Variants in SEPSECS observed in about 807,000 individuals in gnomAD.
The protein encoded by SEPSECS is Sep (O-phosphoserine) tRNA:Sec (selenocysteine) tRNA synthase, also known as O-phosphoseryl-tRNA(Sec) selenium transferase.
Under a neutral mutation model 52.1 loss-of-function variants are expected in SEPSECS, and 42 were observed. The observed-to-expected ratio is 0.81, with a 90% CI of 0.63 to 1.04. The LOEUF (loss-of-function observed/expected upper bound fraction) is 1.04. Among genes scored for constraint, SEPSECS ranks in the 50% least tolerant of loss-of-function variants. The pLI is 0.00. For synonymous variants in SEPSECS, 216 were observed against 211.4 expected (o/e 1.02, Z -0.19); for missense variants, 590 against 610.6 (o/e 0.97, Z 0.36).
intron 2 of SEPSECS, among the ~76,000 whole-genome samples, chr4:25,157,735 C>A (rs913168965): frequency 2.6e-5 from 4 of 151,896 alleles, no homozygotes. Flanking sequence ...TTAGTAGAGA[C>A]GGGGTTTCAC....
intron 8 of SEPSECS, among the ~76,000 whole-genome samples, chr4:25,139,488 G>A (rs1008793449): frequency 1.1e-4 from 15 of 142,146 alleles, no homozygotes; most frequent in African/African-American, 3.9e-4. Flanking sequence ...CTGGGTTCAA[G>A]TGATTCTCTG....
intron 3 of SEPSECS, 151 bp downstream of exon 3, chr4:25,156,705 C>T (rs1712669969): frequency 2.7e-6 from 1 of 373,366 alleles, no homozygotes; most frequent in Non-Finnish European, 4.6e-6. Flanking sequence ...TAGACTCCGT[C>T]TCAAAAAAAA....
chr4:25,147,102 G>C (rs1560331484), intron 6 of SEPSECS, among the ~76,000 whole-genome samples: 1 of 152,136 alleles, frequency 6.6e-6, no homozygotes, highest in Non-Finnish European at 1.5e-5. Flanking sequence ...TCCTGCCTCA[G>C]AGTCTTGGCT....
upstream of SEPSECS, chr4:25,160,563 A>G (rs1713024552): frequency 3.9e-6 from 2 of 515,456 alleles, no homozygotes; most frequent in South Asian, 5.8e-5. Context: ...ATGGCGCTCC[A>G]GGAGGAAGTT....
intron 10 of SEPSECS, among the ~76,000 whole-genome samples, chr4:25,124,448 A>G (rs1416360069): frequency 1.3e-5 from 2 of 152,124 alleles, no homozygotes; most frequent in African/African-American, 4.8e-5. Flanking sequence ...ATTATCGTTT[A>G]CTTAACTTCT....
rs547236416 is a variant in SEPSECS at position 25,143,649 on chromosome 4, T to TA, written c.1026+1124dup. Among the ~76,000 whole-genome samples the TA allele has an allele frequency of 9.4e-3, 1,430 of 152,290 alleles. 17 individuals carry two copies. Among genetic ancestry groups the TA allele is most frequent in the South Asian group, 0.02 (97 of 4,822 alleles). On this transcript the variant is annotated intron_variant, in intron 8 of 10. Transcript: ENST00000382103. The stretch of plus-strand genomic sequence containing the variant: ...AGAAATGTCCTCACAATTAAACAAT[T>TA]ACTATCCCATGGAATGAATTAGTAG...
At chr4:25,130,215 T>C (rs1355522453) in intron 8 of SEPSECS, among the ~76,000 whole-genome samples, 1 of 152,250 alleles carries the variant, frequency 6.6e-6, no homozygotes, top group Non-Finnish European at 1.5e-5. Flanking sequence ...GGCAGCCACA[T>C]TAAATGCCAA....
At chr4:25,126,718 C>T (rs1033921365) in intron 9 of SEPSECS, among the ~76,000 whole-genome samples, 3 of 151,960 alleles carry the variant, frequency 2.0e-5, no homozygotes, top group African/African-American at 4.8e-5. Flanking sequence ...CTCTAACATC[C>T]GTAGGCTAAA....
At position 25,151,981 on chromosome 4, in the gene SEPSECS, C is replaced by T. The variant is rs1410954248; in HGVS notation, c.783G>A (p.Lys261=). Residue 261 remains lysine (K), a synonymous_variant, in exon 6 of 11, where the codon AAG becomes AAA. Coordinates refer to ENST00000382103, the MANE Select transcript of SEPSECS (RefSeq NM_016955.4). ...TTACCTGCTGAATGAGATGCATACA[C>T]TTTGAAGACTGCACTCCATAAGCAT... The part of the protein sequence containing the change: ...VNNAYGVQSS[K]CMHLIQQGAR... The T allele has an allele frequency of 6.3e-6, 10 of 1,586,166 alleles. No individual in the cohort carries two copies. Among genetic ancestry groups the T allele is most frequent in the Non-Finnish European group, 8.7e-6 (10 of 1,154,960 alleles).
chr4:25,127,582 C>T (rs111485770), intron 8 of SEPSECS, among the ~76,000 whole-genome samples: 9 of 152,332 alleles, frequency 5.9e-5, no homozygotes, highest in Non-Finnish European at 1.0e-4. Flanking sequence ...TTTCTCCCTT[C>T]ACTATTACAT....
At position 25,155,174 on chromosome 4, in the gene SEPSECS, A is replaced by C. The variant is rs529777050; in HGVS notation, c.548-23T>G. 6.5e-5 allele frequency: 105 copies of C among 1,613,648 alleles called. 1 individual carries two copies. In the Admixed American group the frequency reaches 1.1e-3, roughly 17 times the overall value. On this transcript the variant is annotated intron_variant, in intron 4 of 10. Coordinates refer to ENST00000382103, the MANE Select transcript of SEPSECS (RefSeq NM_016955.4). Reference sequence around the variant, plus strand: ...AACCTAACCAAACCAACCAGAAAACAAAATGTTAGTGTGAACTAAAATAAG... The same window carrying C: ...AACCTAACCAAACCAACCAGAAAACCAAATGTTAGTGTGAACTAAAATAAG...
At chr4:25,144,667 C>T (rs1711845437) in intron 8 of SEPSECS, 107 bp downstream of exon 8, 1 of 810,230 alleles carries the variant, frequency 1.2e-6, no homozygotes, top group Non-Finnish European at 2.2e-6. Context: ...TCGGACCATA[C>T]TAGATGTCTC....
At chr4:25,159,387 A>C (rs1712903482) in intron 1 of SEPSECS, 1 of 425,184 alleles carries the variant, frequency 2.4e-6, no homozygotes. Flanking sequence ...GAAAACCAAT[A>C]CAACACATCC....
Position 25,124,122 on chromosome 4 carries a change from C to A in SEPSECS, c.1315G>T (p.Ala439Ser). The part of the protein sequence containing the change: ...YPCAYLNAAS[A>S]IGMKMQDVDL... ...ACATCCTGCATCTTCATTCCGATGGCTGATGCAGCATTGAGGTAAGCACAA... is the reference window on the plus strand; with the variant it reads ...ACATCCTGCATCTTCATTCCGATGGATGATGCAGCATTGAGGTAAGCACAA... The change falls in exon 11 of 11, where the codon GCC becomes TCC. Residue 439 changes from alanine (A) to serine (S), a missense_variant. By Grantham distance (99) the Ala-to-Ser change is moderately conservative (BLOSUM62 1). Transcript: ENST00000382103. 1 of 1,613,592 alleles carries A rather than the reference C, an allele frequency of 6.2e-7. No individual in the cohort carries two copies. The highest frequency in any genetic ancestry group is 8.5e-7 in the Non-Finnish European group (1 of 1,179,682).
Position 25,121,524 on chromosome 4 carries a change from A to G in SEPSECS, c.*2407T>C, listed in dbSNP as rs1728125038. On this transcript the variant is annotated 3_prime_UTR_variant, in exon 11 of 11. Transcript: ENST00000382103. ...ATTATGAGGCTTACCAATCAGTACTAGCGAATTATAATAAATACATCCTTT... is the reference window on the plus strand; with the variant it reads ...ATTATGAGGCTTACCAATCAGTACTGGCGAATTATAATAAATACATCCTTT... 1 of 152,210 alleles carries G rather than the reference A, an allele frequency of 6.6e-6. No individual in the cohort carries two copies. Among genetic ancestry groups the G allele is most frequent in the South Asian group, 2.1e-4 (1 of 4,834 alleles). The allele number at this position is 152,210 out of a possible 1,614,324, so 9.4% of individuals were successfully genotyped here.
chr4:25,145,184 C>T (rs772498923), intron 6 of SEPSECS, 51 bp from the exon 7 acceptor site: 103 of 1,586,748 alleles, frequency 6.5e-5, no homozygotes, highest in Non-Finnish European at 8.8e-5. Flanking sequence ...CAGACAACTG[C>T]TATTAACAAA....
At chr4:25,142,061 G>A (rs1684549739) in intron 8 of SEPSECS, among the ~76,000 whole-genome samples, 1 of 152,254 alleles carries the variant, frequency 6.6e-6, no homozygotes, top group Admixed American at 6.5e-5. Context: ...GGGATCACAT[G>A]AGGTCAGGAG....
At position 25,160,294 on chromosome 4, in the gene SEPSECS, G is replaced by T; in HGVS notation, c.76C>A (p.Arg26Ser). The T allele has an allele frequency of 3.9e-6, 6 of 1,552,156 alleles. No individual in the cohort carries two copies. Among genetic ancestry groups the T allele is most frequent in the Non-Finnish European group, 5.2e-6 (6 of 1,147,510 alleles). ...AYVRQGCEARRSHEHLIRLLL... is the reference protein window; with the variant it reads ...AYVRQGCEARSSHEHLIRLLL... ...AGCCGTATGAGGTGCTCATGCGAGC[G>T]GCGGGCCTCACAGCCCTGCCGCACG... The change falls in exon 1 of 11, where the codon CGC becomes AGC. Residue 26 changes from arginine to serine, a missense_variant. Arg to Ser is a moderately radical substitution (Grantham distance 110, BLOSUM62 -1). Coordinates refer to ENST00000382103, the MANE Select transcript of SEPSECS (RefSeq NM_016955.4).
intron 6 of SEPSECS, among the ~76,000 whole-genome samples, chr4:25,149,910 G>C (rs996345195): frequency 6.6e-6 from 1 of 152,166 alleles, no homozygotes; most frequent in African/African-American, 2.4e-5. Context: ...TTTCTCTAAA[G>C]GTTTTAAGAA....
Sources: allele counts gnomAD v4.1 joint callset (sites outside exome capture counted in the v4.1 genomes callset), GRCh38; gene constraint gnomAD v4.1.1; transcripts MANE v1.5; gene names NCBI Gene and HGNC (gene_info 2026-07-23, HGNC 2026-07-21).